The following NAV2 variants were observed in gnomAD, a reference collection of about 807,000 sequenced individuals.
NAV2 encodes the protein helicase, APC down-regulated 1.
Under a neutral mutation model 223.2 loss-of-function variants are expected in NAV2, and 54 were observed. The ratio of observed to expected loss-of-function variants is 0.24; its 90% CI spans 0.19 to 0.30. The LOEUF is 0.30. Among genes scored for constraint, NAV2 ranks in the 10% least tolerant of loss-of-function variants. The pLI is 1.00. For synonymous variants in NAV2, 1,279 were observed against 1,239.3 expected, an observed-to-expected ratio of 1.03 and a Z score of -0.67; for missense variants, 2,806 against 3,147.5, an observed-to-expected ratio of 0.89 and a Z score of 2.60.
At chr11:19,819,185 T>C (rs757442608) in intron 1 of NAV2, among the ~76,000 whole-genome samples, 11 of 152,150 alleles carry the variant, frequency 7.2e-5, no homozygotes, top group Admixed American at 2.6e-4. Context: ...AAGCTCCTGA[T>C]TGAGAGAGAT....
intron 1 of NAV2, among the ~76,000 whole-genome samples, chr11:19,757,311 G>A (rs1163485059): frequency 6.6e-6 from 1 of 152,086 alleles, no homozygotes; most frequent in African/African-American, 2.4e-5. Flanking sequence ...CGTGTGTGGA[G>A]GCCTAGGGCT....
chr11:19,981,925 C>A (rs2050326007), intron 10 of NAV2, among the ~76,000 whole-genome samples: 1 of 152,104 alleles, frequency 6.6e-6, no homozygotes, highest in Non-Finnish European at 1.5e-5. Flanking sequence ...AACCTGTAAT[C>A]AGTGTTCTTG....
intron 4 of NAV2, among the ~76,000 whole-genome samples, chr11:19,878,216 C>T (rs2062977481): frequency 6.6e-6 from 1 of 152,158 alleles, no homozygotes; most frequent in Admixed American, 6.5e-5. Flanking sequence ...TCAGAAGCGT[C>T]ATAGTTAGCA....
At chr11:19,776,820 C>T (rs939936616) in intron 1 of NAV2, among the ~76,000 whole-genome samples, 1 of 151,972 alleles carries the variant, frequency 6.6e-6, no homozygotes, top group South Asian at 2.1e-4. Flanking sequence ...GAGGCGCCGG[C>T]TGGTGTCTGA....
chr11:19,457,391 G>A (rs1422770099), intron 1 of NAV2, among the ~76,000 whole-genome samples: 1 of 152,222 alleles, frequency 6.6e-6, no homozygotes, highest in African/African-American at 2.4e-5. Flanking sequence ...TGAATGTAAC[G>A]CAGAGGGGAC....
At chr11:19,868,336 G>A (rs765504877) in intron 3 of NAV2, among the ~76,000 whole-genome samples, 2 of 152,204 alleles carry the variant, frequency 1.3e-5, no homozygotes, top group South Asian at 2.1e-4. Flanking sequence ...GCCCTTGGCT[G>A]TGGTGTCAGC....
chr11:19,564,840 A>G (rs897349315), intron 1 of NAV2, among the ~76,000 whole-genome samples: 3 of 152,234 alleles, frequency 2.0e-5, no homozygotes, highest in Non-Finnish European at 4.4e-5. Context: ...CAGCAAAAGT[A>G]ATAATGACAC....
rs1223627008 is a variant in NAV2, at chr11:19,998,709, CCCT to C, written c.2768+14464_2768+14466del. On this transcript the variant is annotated intron_variant, in intron 11 of 37. Coordinates refer to ENST00000349880, the MANE Select transcript of NAV2 (RefSeq NM_145117.5). This position sits in a 1 kb window ranked among gnomAD's most constrained non-coding sequence, Gnocchi z 5.0. ...CCCTCTGCATAGACTGTGCTTCCCC[CCCT>C]CTCTCCTTTTCTCCTTATAAGCCTG... Among the ~76,000 whole-genome samples, 2 of 152,088 alleles carry C rather than the reference CCCT, an allele frequency of 1.3e-5. No homozygotes were observed. Among genetic ancestry groups the C allele is most frequent in the Non-Finnish European group, 1.5e-5 (1 of 68,020 alleles).
chr11:20,093,672 A>C (rs1380846280), intron 29 of NAV2, among the ~76,000 whole-genome samples: 1 of 152,134 alleles, frequency 6.6e-6, no homozygotes, highest in East Asian at 1.9e-4. Context: ...CCCTGGGAGC[A>C]TGCAGGTGGC....
At chr11:19,450,491 T>A (rs1401251184) in intron 1 of NAV2, among the ~76,000 whole-genome samples, 2 of 152,180 alleles carry the variant, frequency 1.3e-5, no homozygotes, top group Admixed American at 1.3e-4. Context: ...ATTTGTTACA[T>A]CCTGTAGCAT....
chr11:19,968,170 G>A (rs951903971), intron 10 of NAV2, among the ~76,000 whole-genome samples: 13 of 152,058 alleles, frequency 8.5e-5, no homozygotes, highest in African/African-American at 2.9e-4. Context: ...AAAACAAATA[G>A]GGTGTTGTTG....
chr11:19,378,357 G>A (rs1378610525), intron 1 of NAV2, among the ~76,000 whole-genome samples: 2 of 152,102 alleles, frequency 1.3e-5, no homozygotes, highest in Non-Finnish European at 2.9e-5. Flanking sequence ...CCTGCCCTGA[G>A]TTTATTCCTT....
intron 3 of NAV2, among the ~76,000 whole-genome samples, chr11:19,868,265 A>T (rs1206790177): frequency 6.6e-6 from 1 of 152,218 alleles, no homozygotes; most frequent in East Asian, 1.9e-4. Flanking sequence ...TGACAACTGA[A>T]GTAAAATTAG....
At chr11:19,747,291 C>T (rs1236114216) in intron 1 of NAV2, among the ~76,000 whole-genome samples, 4 of 151,878 alleles carry the variant, frequency 2.6e-5, no homozygotes, top group Non-Finnish European at 5.9e-5. Flanking sequence ...TCCAGTCTAT[C>T]ATTGTTGGAC....
intron 6 of NAV2, among the ~76,000 whole-genome samples, chr11:19,897,284 A>G (rs2042068046): frequency 6.6e-6 from 1 of 152,186 alleles, no homozygotes; most frequent in African/African-American, 2.4e-5. Flanking sequence ...CTAATGTTAA[A>G]TGACGAGTTA....
At chr11:19,568,360 G>C (rs544490809) in intron 1 of NAV2, among the ~76,000 whole-genome samples, 1 of 152,314 alleles carries the variant, frequency 6.6e-6, no homozygotes, top group South Asian at 2.1e-4. Flanking sequence ...AGACGTGAGA[G>C]ACTTGGGCTG....
chr11:19,928,887 T>C (rs1042220841), intron 6 of NAV2, among the ~76,000 whole-genome samples: 7 of 152,194 alleles, frequency 4.6e-5, no homozygotes, highest in Admixed American at 1.3e-4. Context: ...CACCTCCCCT[T>C]TGTTTAACTT....
intron 1 of NAV2, among the ~76,000 whole-genome samples, chr11:19,824,532 T>A (rs1355335539): frequency 6.6e-6 from 1 of 152,236 alleles, no homozygotes; most frequent in Non-Finnish European, 1.5e-5. Flanking sequence ...CTTGCTTCTC[T>A]GTGCTCTGCC....
rs1325481850 is a variant in NAV2 at position 19,879,971 on chromosome 11, C to A, written c.614C>A (p.Pro205His). The change falls in exon 5 of 38, where the codon CCT becomes CAT. Residue 205 changes from proline to histidine, a missense_variant. By Grantham distance (77) the Pro-to-His change is moderately conservative. Coordinates refer to ENST00000349880, the MANE Select transcript of NAV2 (RefSeq NM_145117.5). ...QQPQKQHLSS[P>H]LPPAVSQVAG... ...CCCCAGAAGCAGCACCTCTCCTCAC[C>A]TCTGCCGCCCGCCGTATCCCAGGTG... 1.9e-6 allele frequency: 3 copies of A among 1,611,262 alleles called. No homozygotes were observed. Among genetic ancestry groups the A allele is most frequent in the African/African-American group, 2.7e-5 (2 of 74,962 alleles).
Sources: gnomAD v4.1 joint callset for allele counts (sites outside exome capture counted in the v4.1 genomes callset) on GRCh38, gnomAD v4.1.1 for gene constraint, Gnocchi (gnomAD v3.1) non-coding constraint, MANE v1.5 for transcripts, NCBI Gene and HGNC (gene_info 2026-07-23, HGNC 2026-07-21) for gene names.